BBOF1: variants seen among roughly 807,000 people sequenced by gnomAD.
The protein encoded by BBOF1 is basal body-orientation factor 1.
Under a neutral mutation model 68.0 loss-of-function variants are expected in BBOF1, and 62 were observed. The ratio of observed to expected loss-of-function variants is 0.91; its 90% CI spans 0.74 to 1.13. BBOF1 has a LOEUF of 1.13. Among genes scored for constraint, BBOF1 ranks in the 50% most tolerant of loss-of-function variants. BBOF1 has a pLI of 0.00. For missense variants in BBOF1, 534 were observed against 600.1 expected (o/e 0.89, Z 1.15); for synonymous variants, 208 against 198.8 (o/e 1.05, Z -0.39).
chr14:74,063,464 C>T (rs140011588), intron 11 of BBOF1, among the ~76,000 whole-genome samples: 1,941 of 151,984 alleles, frequency 0.013, 39 homozygotes, highest in African/African-American at 0.044. Context: ...GGATTACAGG[C>T]GTAAGCCACT....
intron 2 of BBOF1, among the ~76,000 whole-genome samples, chr14:74,028,507 CACACAAAT>C (rs1237920667): frequency 1.7e-5 from 2 of 117,330 alleles, no homozygotes; most frequent in African/African-American, 6.1e-5. Flanking sequence ...CACACACACA[CACACAAAT>C]AGAGGGAAAG....
At chr14:74,020,094 A>G (rs73303122) in intron 1 of BBOF1, among the ~76,000 whole-genome samples, 13,975 of 152,252 alleles carry the variant, frequency 0.092, 809 homozygotes, top group South Asian at 0.26. Flanking sequence ...TACCAAAAGA[A>G]AAAACAAAAA....
rs187490514 is a variant in BBOF1 at position 74,051,117 on chromosome 14, T to A, written c.1286+922T>A. 9.3e-3 allele frequency among the ~76,000 whole-genome samples: 1,400 copies of A among 150,976 alleles called. 19 individuals are homozygous for A. The highest frequency in any genetic ancestry group is 0.032 in the African/African-American group (1,283 of 40,442). ...AAATTAGCTGGGCATGGTGGCACATTCCTGTAATCCTAGCTACTTGGGAGG... is the reference window on the plus strand; with the variant it reads ...AAATTAGCTGGGCATGGTGGCACATACCTGTAATCCTAGCTACTTGGGAGG... On this transcript the variant is annotated intron_variant, in intron 8 of 11. Coordinates refer to ENST00000394009, the MANE Select transcript of BBOF1 (RefSeq NM_025057.3).
chr14:74,061,322 G>C (rs2139730537), intron 11 of BBOF1, among the ~76,000 whole-genome samples: 1 of 139,150 alleles, frequency 7.2e-6, no homozygotes, highest in Admixed American at 7.4e-5. Flanking sequence ...TTTATTTTGA[G>C]ACAGAGTCTT....
rs961384710 is a variant in BBOF1 at position 74,049,963 on chromosome 14, A to G, written c.1054A>G (p.Ile352Val). 3.7e-6 allele frequency: 6 copies of G among 1,614,058 alleles called. No individual in the cohort carries two copies. In the African/African-American group the frequency reaches 5.3e-5, roughly 14 times the overall value. Reference sequence around the variant, plus strand: ...TCGTGTGAAGAAGCTGGCCAAGAACATACTGGATGAGAGAACAGAAGTGGA... The same window carrying G: ...TCGTGTGAAGAAGCTGGCCAAGAACGTACTGGATGAGAGAACAGAAGTGGA... Reference protein sequence around the residue: ...MNRVKKLAKNILDERTEVERF... With the variant: ...MNRVKKLAKNVLDERTEVERF... Residue 352 changes from isoleucine to valine, a missense_variant, in exon 8 of 12, where the codon ATA becomes GTA. Transcript: ENST00000394009.
intron 2 of BBOF1, among the ~76,000 whole-genome samples, chr14:74,027,533 G>A (rs548600236): frequency 4.8e-4 from 73 of 151,898 alleles, no homozygotes; most frequent in African/African-American, 1.5e-3. Flanking sequence ...CCTACTGGGT[G>A]AAAGTTTGAT....
chr14:74,082,393 GTTTTTT>G (rs869211328), intron 12 of BBOF1, among the ~76,000 whole-genome samples: 1 of 77,568 alleles, frequency 1.3e-5, no homozygotes, highest in South Asian at 6.6e-4. Context: ...CAAAATCGAG[GTTTTTT>G]TTTTTTTTTT....
chr14:74,072,412 C>T, intron 9 of BBOF1: 1 of 1,613,994 alleles, frequency 6.2e-7, no homozygotes, highest in East Asian at 2.2e-5. Context: ...TCACCTTCTC[C>T]ACTGTACATC....
chr14:74,022,847 G>A, intron 1 of BBOF1, 69 bp from the exon 2 acceptor site: 1 of 755,964 alleles, frequency 1.3e-6, no homozygotes, highest in Non-Finnish European at 2.1e-6. Context: ...ATATAATAGA[G>A]TTATATACTA....
chr14:74,073,585 G>C (rs1412964212), intron 9 of BBOF1, among the ~76,000 whole-genome samples: 1 of 152,104 alleles, frequency 6.6e-6, no homozygotes, highest in Admixed American at 6.6e-5. Flanking sequence ...TGGCCCAGCT[G>C]ACTGTTACAT....
rs1357417395 is a variant in BBOF1, at chr14:74,050,045, A to G, written c.1136A>G (p.Lys379Arg). The change falls in exon 8 of 12, where the codon AAG (lysine) becomes AGG (arginine). Residue 379 changes from lysine (K) to arginine (R), a missense_variant. Physicochemically the swap from Lys to Arg is conservative, Grantham distance 26. Coordinates refer to ENST00000394009, the MANE Select transcript of BBOF1 (RefSeq NM_025057.3). ...QVKQQILISRKHYKQIAQAAF... is the reference protein window; with the variant it reads ...QVKQQILISRRHYKQIAQAAF... ...AAGCAACAGATCCTAATTAGCAGGA[A>G]GCATTATAAGCAGATAGCACAAGCT... 1.2e-6 allele frequency: 2 copies of G among 1,614,196 alleles called. No homozygotes were observed. The highest frequency in any genetic ancestry group is 2.2e-5 in the South Asian group (2 of 91,086).
At chr14:74,037,274 C>CT (rs892262272) in intron 4 of BBOF1, among the ~76,000 whole-genome samples, 2,506 of 65,992 alleles carry the variant, frequency 0.038, 373 homozygotes, top group Non-Finnish European at 0.047. Context: ...CGCCTGGCCT[C>CT]TTTTTTTTTT....
intron 5 of BBOF1, among the ~76,000 whole-genome samples, chr14:74,045,739 C>T (rs1264532968): frequency 1.3e-5 from 2 of 152,210 alleles, no homozygotes; most frequent in Non-Finnish European, 2.9e-5. Flanking sequence ...CTGAGGGCTA[C>T]CATTCCTGAA....
intron 10 of BBOF1, among the ~76,000 whole-genome samples, chr14:74,079,804 A>T (rs2060653575): frequency 6.6e-6 from 1 of 152,072 alleles, no homozygotes; most frequent in Non-Finnish European, 1.5e-5. Flanking sequence ...CCTGGCCTCA[A>T]ATGATCTGCC....
intron 11 of BBOF1, 61 bp downstream of exon 11, chr14:74,057,319 C>T: frequency 6.2e-7 from 1 of 1,608,552 alleles, no homozygotes; most frequent in Non-Finnish European, 8.5e-7. Flanking sequence ...CATGTCGCTT[C>T]TTGCTAAATC....
At chr14:74,038,033 C>T (rs2059749027) in intron 4 of BBOF1, among the ~76,000 whole-genome samples, 2 of 151,142 alleles carry the variant, frequency 1.3e-5, no homozygotes, top group African/African-American at 4.8e-5. Flanking sequence ...CCCATTCTGT[C>T]TTTTTTATCT....
downstream of BBOF1, among the ~76,000 whole-genome samples, chr14:74,067,887 T>A (rs2060493147): frequency 6.6e-6 from 1 of 151,682 alleles, no homozygotes; most frequent in Non-Finnish European, 1.5e-5. Context: ...ATCACACCAT[T>A]GTACTCCAGA....
chr14:74,057,196 T>G lies in BBOF1; in HGVS notation c.1516T>G (p.Ser506Ala). ...CTTCATCACCCAGCAAATTGCAATA[T>G]CAGACTCTTCTGGTGAAGTGGTGCT... ...KIFITQQIAISDSSGEVVLPT... is the reference protein window; with the variant it reads ...KIFITQQIAIADSSGEVVLPT... The change falls in exon 11 of 12, where the codon TCA becomes GCA. Residue 506 changes from serine (S) to alanine (A), a missense_variant. Physicochemically the swap from Ser to Ala is moderately conservative, Grantham distance 99 (BLOSUM62 1). Transcript: ENST00000394009. 2 of 1,614,040 alleles carry G rather than the reference T, an allele frequency of 1.2e-6. No individual in the cohort carries two copies.
intron 4 of BBOF1, among the ~76,000 whole-genome samples, chr14:74,039,689 C>T (rs535286604): frequency 6.6e-6 from 1 of 151,958 alleles, no homozygotes; most frequent in East Asian, 1.9e-4. Context: ...CCACCCGCCT[C>T]GGCCTCCCAA....
Sources: allele counts gnomAD v4.1 joint callset (sites outside exome capture counted in the v4.1 genomes callset), GRCh38; gene constraint gnomAD v4.1.1; transcripts MANE v1.5; gene names NCBI Gene and HGNC (gene_info 2026-07-23, HGNC 2026-07-21).